The following BAZ2B variants were observed in gnomAD, a reference collection of about 807,000 sequenced individuals.
BAZ2B encodes the protein bromodomain adjacent to zinc finger domain 2B, also known as bromodomain adjacent to zinc finger domain protein 2B.
BAZ2B carries 91 observed loss-of-function variants against 246.0 expected under a neutral mutation model. The ratio of observed to expected loss-of-function variants is 0.37; its 90% CI spans 0.31 to 0.44. The LOEUF (loss-of-function observed/expected upper bound fraction) is 0.44. Among genes scored for constraint, BAZ2B ranks in the 20% least tolerant of loss-of-function variants. The pLI is 1.00. For synonymous variants in BAZ2B, 855 were observed against 860.0 expected, an observed-to-expected ratio of 0.99 and a Z score of 0.10; for missense variants, 2,332 against 2,533.7, an observed-to-expected ratio of 0.92 and a Z score of 1.71.
At chr2:159,626,618 A>G in the BAZ2B span, among the ~76,000 whole-genome samples, 2 of 152,214 alleles carry the variant, frequency 1.3e-5, no homozygotes, top group Non-Finnish European at 2.9e-5. Context: ...TTTGAAACCA[A>G]TGAGAACAAA....
At chr2:159,705,354 T>C in the BAZ2B span, among the ~76,000 whole-genome samples, 1 of 152,042 alleles carries the variant, frequency 6.6e-6, no homozygotes, top group Non-Finnish European at 1.5e-5. Flanking sequence ...AACAAGTAGG[T>C]GACAGAAAAA....
chr2:159,600,859 AT>A (rs1172739159), intron 1 of BAZ2B, among the ~76,000 whole-genome samples: 2 of 152,152 alleles, frequency 1.3e-5, no homozygotes, highest in Non-Finnish European at 2.9e-5. Flanking sequence ...CATCGTTTTT[AT>A]TTTTCTCAAC....
At chr2:159,355,338 T>C (rs997568020) in intron 27 of BAZ2B, among the ~76,000 whole-genome samples, 8 of 152,184 alleles carry the variant, frequency 5.3e-5, no homozygotes, top group African/African-American at 1.4e-4. Context: ...ATCTTGAAGA[T>C]AGTGGAAGGA....
chr2:159,362,088 C>G (rs757187194), intron 27 of BAZ2B, among the ~76,000 whole-genome samples: 1 of 151,874 alleles, frequency 6.6e-6, no homozygotes, highest in South Asian at 2.1e-4. Flanking sequence ...ACTTGTATCT[C>G]AGAACTTAAA....
In BAZ2B at chr2:159,403,415, T is replaced by C. The variant is rs553095757; in HGVS notation, c.2832+1434A>G. 5.6e-4 allele frequency among the ~76,000 whole-genome samples: 85 copies of C among 152,294 alleles called. 1 individual carries two copies. The highest frequency in any genetic ancestry group is 8.3e-4 in the South Asian group (4 of 4,828). ...TCAGGTTGTAGCTACTGTAAGACTT[T>C]AGGATCATAAAGCTGAATTAAAAGT... On this transcript the variant is annotated intron_variant, in intron 16 of 36. Transcript: ENST00000392783.
chr2:159,402,146 A>G (rs1005436359), intron 16 of BAZ2B, among the ~76,000 whole-genome samples: 8 of 152,142 alleles, frequency 5.3e-5, no homozygotes, highest in Non-Finnish European at 8.8e-5. Context: ...TAGGCTGTCA[A>G]AAATAAAAAC....
chr2:159,379,193 G>A (rs2149473883), intron 25 of BAZ2B, among the ~76,000 whole-genome samples: 1 of 152,194 alleles, frequency 6.6e-6, no homozygotes, highest in South Asian at 2.1e-4. Context: ...AACAACATGG[G>A]TGAACCTTGA....
intron 1 of BAZ2B, among the ~76,000 whole-genome samples, chr2:159,583,860 G>A (rs1578631909): frequency 6.6e-6 from 1 of 152,254 alleles, no homozygotes; most frequent in Non-Finnish European, 1.5e-5. Flanking sequence ...TTTGAAGGAT[G>A]TTAAGAACAA....
the BAZ2B span, among the ~76,000 whole-genome samples, chr2:159,689,017 G>A: frequency 1.4e-4 from 22 of 152,130 alleles, 1 homozygote; most frequent in South Asian, 4.6e-3. Flanking sequence ...TATCTTGTGG[G>A]GAGATATTTT....
chr2:159,385,520 C>A, intron 22 of BAZ2B, 151 bp from the exon 23 acceptor site: 1 of 649,600 alleles, frequency 1.5e-6, no homozygotes. Context: ...CAAAAATAGT[C>A]AATAGAAGAC....
chr2:159,372,942 C>G, intron 27 of BAZ2B, 103 bp downstream of exon 27: 15 of 1,326,596 alleles, frequency 1.1e-5, no homozygotes, highest in Non-Finnish European at 1.4e-5. Context: ...TACATGTTTA[C>G]CAAACATTGA....
intron 30 of BAZ2B, among the ~76,000 whole-genome samples, chr2:159,348,029 A>G (rs1188601777): frequency 6.6e-6 from 1 of 151,964 alleles, no homozygotes; most frequent in Non-Finnish European, 1.5e-5. Context: ...CTTATATAAA[A>G]TGGTGTTGGC....
At chr2:159,643,247 G>A in the BAZ2B span, among the ~76,000 whole-genome samples, 1 of 152,076 alleles carries the variant, frequency 6.6e-6, no homozygotes, top group African/African-American at 2.4e-5. Flanking sequence ...TCTAAAAGCT[G>A]GTTAAGTCCA....
chr2:159,351,209 G>C (rs962990898), intron 27 of BAZ2B, among the ~76,000 whole-genome samples: 1 of 151,952 alleles, frequency 6.6e-6, no homozygotes, highest in Non-Finnish European at 1.5e-5. Context: ...ACATAATTAA[G>C]GAAAGAAATT....
At chr2:159,668,426 T>A in the BAZ2B span, among the ~76,000 whole-genome samples, 1 of 152,224 alleles carries the variant, frequency 6.6e-6, no homozygotes, top group South Asian at 2.1e-4. Flanking sequence ...CTTTCACTGC[T>A]ATGTATGATG....
chr2:159,648,281 G>A, the BAZ2B span, among the ~76,000 whole-genome samples: 2 of 152,022 alleles, frequency 1.3e-5, no homozygotes, highest in Non-Finnish European at 2.9e-5. Context: ...GGGGTTACAC[G>A]CACATGCCAC....
In BAZ2B at chr2:159,428,539, ACTC is replaced by A. The variant is rs2070431151; in HGVS notation, c.2256-123_2256-121del. The stretch of plus-strand genomic sequence containing the variant: ...ACATAAAAAATGAAAACAAAAATAA[ACTC>A]CTCAAACAACCCAAATACATTAACT... On this transcript the variant is annotated intron_variant, in intron 11 of 36. Transcript: ENST00000392783. The A allele has an allele frequency of 6.4e-6, 4 of 629,660 alleles. No individual in the cohort carries two copies. In the Admixed American group the frequency reaches 1.0e-4, roughly 16 times the overall value. The allele number at this position is 629,660 out of a possible 1,614,324, so 39.0% of individuals were successfully genotyped here.
chr2:159,320,447 C>T (rs756211305), intron 36 of BAZ2B, 29 bp from the exon 37 acceptor site: 18 of 1,512,134 alleles, frequency 1.2e-5, no homozygotes, highest in African/African-American at 4.4e-5. Flanking sequence ...TTAGAGATTG[C>T]GTTCATAGAG....
the BAZ2B span, among the ~76,000 whole-genome samples, chr2:159,687,774 A>T: frequency 1.3e-5 from 2 of 152,104 alleles, no homozygotes; most frequent in African/African-American, 4.8e-5. Context: ...AGTACTGGAG[A>T]ACTGGGATTT....
Sources: allele counts gnomAD v4.1 joint callset (sites outside exome capture counted in the v4.1 genomes callset), GRCh38; gene constraint gnomAD v4.1.1; transcripts MANE v1.5; gene names NCBI Gene and HGNC (gene_info 2026-07-23, HGNC 2026-07-21).